MYLK: variants seen among roughly 807,000 people sequenced by gnomAD.
The protein encoded by MYLK is myosin light chain kinase.
Under a neutral mutation model 203.4 loss-of-function variants are expected in MYLK, and 106 were observed. The observed-to-expected ratio is 0.52, with a 90% CI of 0.45 to 0.61. The LOEUF is 0.61. Ranked by LOEUF, MYLK falls within the 20% of genes least tolerant of loss-of-function variation. The pLI is 0.00. For missense variants in MYLK, 2,072 were observed against 2,442.3 expected (o/e 0.85, Z 3.20); for synonymous variants, 867 against 959.5 (o/e 0.90, Z 1.78).
At chr3:123,664,838 T>A (rs572781078) in intron 22 of MYLK, among the ~76,000 whole-genome samples, 4 of 152,020 alleles carry the variant, frequency 2.6e-5, no homozygotes, top group Non-Finnish European at 4.4e-5. Flanking sequence ...CTGAAAAGAG[T>A]ATGCTAAGTC....
intron 20 of MYLK, among the ~76,000 whole-genome samples, chr3:123,673,248 G>C (rs72626352): frequency 6.8e-6 from 1 of 146,382 alleles, no homozygotes; most frequent in South Asian, 2.1e-4. Flanking sequence ...CTGTAGCCTC[G>C]ACCTGCTGGG....
rs1450617600 is a variant in MYLK at position 123,647,447 on chromosome 3, G to A, written c.4416-20C>T. ...TTCCCACTGCAAATGAAAGGGGGAGGAGAGAAAAGCCACATTTAGCCAAGC... is the reference window on the plus strand; with the variant it reads ...TTCCCACTGCAAATGAAAGGGGGAGAAGAGAAAAGCCACATTTAGCCAAGC... On this transcript the variant is annotated intron_variant, in intron 26 of 33. Coordinates refer to ENST00000360304, the MANE Select transcript of MYLK (RefSeq NM_053025.4). 1.2e-6 allele frequency: 2 copies of A among 1,611,550 alleles called. No individual in the cohort carries two copies. The highest frequency in any genetic ancestry group is 1.7e-6 in the Non-Finnish European group (2 of 1,177,712).
intron 3 of MYLK, among the ~76,000 whole-genome samples, chr3:123,796,424 G>A (rs2064989062): frequency 3.3e-5 from 5 of 152,112 alleles, no homozygotes; most frequent in South Asian, 2.1e-4. Context: ...ATTGGCTGAT[G>A]GGAAAGGAAA....
At chr3:123,672,907 C>G (rs573000013) in intron 20 of MYLK, among the ~76,000 whole-genome samples, 2 of 152,258 alleles carry the variant, frequency 1.3e-5, no homozygotes, top group South Asian at 4.2e-4. Context: ...TCAGAGGGAG[C>G]ATTTCACTTG....
At chr3:123,712,980 A>G (rs1441716414) in intron 13 of MYLK, among the ~76,000 whole-genome samples, 4 of 152,220 alleles carry the variant, frequency 2.6e-5, no homozygotes, top group African/African-American at 7.2e-5. Flanking sequence ...TTATGGACTC[A>G]TTTTTATAGG....
intron 11 of MYLK, among the ~76,000 whole-genome samples, chr3:123,731,088 G>C (rs1311222916): frequency 6.6e-6 from 1 of 152,146 alleles, no homozygotes; most frequent in African/African-American, 2.4e-5. Context: ...TTAATCTGTG[G>C]TGGACCTGAC....
chr3:123,761,204 C>T (rs538237585), intron 4 of MYLK, among the ~76,000 whole-genome samples: 1 of 152,312 alleles, frequency 6.6e-6, no homozygotes, highest in East Asian at 1.9e-4. Flanking sequence ...AGACACTGGC[C>T]ACAGATTGTT....
intron 23 of MYLK, 152 bp downstream of exon 23, chr3:123,663,953 G>T: frequency 8.6e-7 from 1 of 1,165,496 alleles, no homozygotes; most frequent in Non-Finnish European, 1.3e-6. Context: ...TCTGTGGGTT[G>T]CCGTGATCTT....
In MYLK at chr3:123,734,114, G is replaced by A. The variant is rs747943547; in HGVS notation, c.882C>T (p.Ser294=). ...KLDSLEAAAK[S]KNCSSPQRGG... ...CTCTCTGGGGGCTGGAGCAGTTCTT[G>A]CTTTTGGCTGCAGCCTCCAGACTGT... The change falls in exon 10 of 34, where the codon AGC becomes AGT. Residue 294 remains serine (S), a synonymous_variant. Coordinates refer to ENST00000360304, the MANE Select transcript of MYLK (RefSeq NM_053025.4). The A allele has an allele frequency of 1.9e-6, 3 of 1,600,942 alleles. No homozygotes were observed. The highest frequency in any genetic ancestry group is 1.1e-5 in the South Asian group (1 of 90,130).
rs2108818747 is a variant in MYLK, at chr3:123,739,572, T to G, written c.422+381A>C. ...GTTCCAGGATATCTGAACTGAACTT[T>G]CCCTGAGTAAGAAACAAACTTTCCC... On this transcript the variant is annotated intron_variant, in intron 6 of 33. Transcript: ENST00000360304. 1.3e-5 allele frequency among the ~76,000 whole-genome samples: 2 copies of G among 152,342 alleles called. 1 individual carries two copies. Among genetic ancestry groups the G allele is most frequent in the African/African-American group, 4.8e-5 (2 of 41,582 alleles).
rs2061618932 is a variant in MYLK at position 123,709,806 on chromosome 3, T to A, written c.1892A>T (p.Asp631Val). 1.2e-6 allele frequency: 2 copies of A among 1,614,054 alleles called. No individual in the cohort carries two copies. The highest frequency in any genetic ancestry group is 2.7e-5 in the African/African-American group (2 of 74,920). The part of the protein sequence containing the change: ...TAPIFLQGLS[D>V]LKVMDGSQVT... ...CTGGCTTCCATCCATGACTTTGAGA[T>A]CAGAGAGGCCCTGCAGGAAGATGGG... Residue 631 changes from aspartate to valine, a missense_variant, in exon 14 of 34, where the codon GAT (aspartate) becomes GTT (valine). Asp to Val is a radical substitution (Grantham distance 152). Coordinates refer to ENST00000360304, the MANE Select transcript of MYLK (RefSeq NM_053025.4).
intron 28 of MYLK, chr3:123,638,628 AC>A: frequency 2.2e-6 from 1 of 451,088 alleles, no homozygotes; most frequent in African/African-American, 2.1e-5. Flanking sequence ...GCTACTGAGA[AC>A]ATGAGTGAGG....
chr3:123,682,432 G>T (rs1156392335), intron 19 of MYLK, 122 bp from the exon 20 acceptor site: 1 of 788,406 alleles, frequency 1.3e-6, no homozygotes, highest in Non-Finnish European at 2.2e-6. Context: ...CTTTGTGCCC[G>T]CTGGGCAGAA....
chr3:123,845,160 A>G lies in MYLK; in HGVS notation c.-126-13490T>C, dbSNP rs114865105. On this transcript the variant is annotated intron_variant, in intron 2 of 33. Transcript: ENST00000360304. ...TTTTGCTCACTGAGTTCCTCAGCCTATCCTCCAGAGGACTGACCTCCCTGT... is the reference window on the plus strand; with the variant it reads ...TTTTGCTCACTGAGTTCCTCAGCCTGTCCTCCAGAGGACTGACCTCCCTGT... Among the ~76,000 whole-genome samples, 636 of 152,266 alleles carry G rather than the reference A, an allele frequency of 4.2e-3. 7 individuals carry two copies. Among genetic ancestry groups the G allele is most frequent in the African/African-American group, 0.015 (610 of 41,548 alleles).
intron 4 of MYLK, among the ~76,000 whole-genome samples, chr3:123,760,118 G>A (rs1393758274): frequency 1.3e-5 from 2 of 152,198 alleles, no homozygotes; most frequent in South Asian, 2.1e-4. Context: ...CTGAGTTTAC[G>A]TAACTGCAAA....
intron 2 of MYLK, among the ~76,000 whole-genome samples, chr3:123,870,654 T>G (rs550387616): frequency 6.6e-6 from 1 of 152,346 alleles, no homozygotes; most frequent in South Asian, 2.1e-4. Context: ...CAGGTAGGTG[T>G]AGGCAAACTA....
chr3:123,840,774 C>T (rs1480264941), intron 2 of MYLK, among the ~76,000 whole-genome samples: 1 of 151,914 alleles, frequency 6.6e-6, no homozygotes, highest in Non-Finnish European at 1.5e-5. Flanking sequence ...GTGTAATTTA[C>T]AGTATCAACT....
Position 123,729,112 on chromosome 3 carries a change from G to GT in MYLK, c.1517-3035dup, listed in dbSNP as rs1289739968. Among the ~76,000 whole-genome samples, 9 of 152,278 alleles carry GT rather than the reference G, an allele frequency of 5.9e-5. No individual in the cohort carries two copies. The Middle Eastern group carries it at 0.017, about 288-fold the overall frequency. On this transcript the variant is annotated intron_variant, in intron 11 of 33. Transcript: ENST00000360304. ...GGCTGTGAGCCTGCCCAGGAAAGAT[G>GT]TAAGAAGGCCCTCCTGTCTCACCTC... is the stretch of plus-strand genomic sequence containing the variant.
intron 3 of MYLK, among the ~76,000 whole-genome samples, chr3:123,816,494 C>T (rs555191571): frequency 1.3e-5 from 2 of 152,166 alleles, no homozygotes; most frequent in Admixed American, 6.5e-5. Flanking sequence ...AGCTATTAGG[C>T]GACAGAGTCA....
Sources: allele counts gnomAD v4.1 joint callset (sites outside exome capture counted in the v4.1 genomes callset), GRCh38; gene constraint gnomAD v4.1.1; transcripts MANE v1.5; gene names NCBI Gene and HGNC (gene_info 2026-07-23, HGNC 2026-07-21).